The following CCDC169 variants were observed in gnomAD, a reference collection of about 807,000 sequenced individuals.
CCDC169 encodes coiled-coil domain-containing protein 169.
In CCDC169, 30 loss-of-function variants were observed where a neutral mutation model predicts 36.0. That is an observed-to-expected ratio of 0.83 (90% CI 0.62 to 1.13). CCDC169 has a LOEUF of 1.13. Ranked by LOEUF, CCDC169 falls within the 50% of genes most tolerant of loss-of-function variation. The pLI is 0.00. For missense variants in CCDC169, 245 were observed against 245.9 expected (o/e 1.00, Z 0.03); for synonymous variants, 85 against 81.5 (o/e 1.04, Z -0.23).
chr13:36,262,224 G>C (rs1874694991), intron 4 of CCDC169, among the ~76,000 whole-genome samples: 1 of 152,068 alleles, frequency 6.6e-6, no homozygotes, highest in Admixed American at 6.6e-5. Context: ...ACAGCCCTTG[G>C]GGAGGTATGT....
At chr13:36,247,352 T>A (rs1872634964) in intron 7 of CCDC169, among the ~76,000 whole-genome samples, 1 of 152,182 alleles carries the variant, frequency 6.6e-6, no homozygotes, top group Admixed American at 6.5e-5. Context: ...CTTTCAAGTC[T>A]TATTATTTAA....
downstream of CCDC169, among the ~76,000 whole-genome samples, chr13:36,227,734 C>T (rs975320917): frequency 6.6e-6 from 1 of 152,114 alleles, no homozygotes; most frequent in South Asian, 2.1e-4. Flanking sequence ...ATTAGTTTCA[C>T]AGAGTTGTGC....
intron 2 of CCDC169, among the ~76,000 whole-genome samples, chr13:36,292,857 T>G (rs961514297): frequency 6.6e-6 from 1 of 152,186 alleles, no homozygotes; most frequent in South Asian, 2.1e-4. Flanking sequence ...TACAGTGATA[T>G]CCTTGAGTAG....
Position 36,248,655 on chromosome 13 carries a change from T to C in CCDC169, c.496A>G (p.Arg166Gly). ...CTAGGCAGTTGATCCACCTGTTGCC[T>C]TTTAGAAACTTGATGTAAACCAGAA... The part of the protein sequence containing the change: ...QGSGLHQVSK[R>G]QQVDQLPRMQ... Residue 166 changes from arginine (R) to glycine (G), a missense_variant, in exon 7 of 8, where the codon AGG becomes GGG. Arg to Gly is a moderately radical substitution (Grantham distance 125, BLOSUM62 -2). Transcript: ENST00000239859. The C allele has an allele frequency of 6.4e-7, 1 of 1,550,602 alleles. No homozygotes were observed. The highest frequency in any genetic ancestry group is 8.7e-7 in the Non-Finnish European group (1 of 1,146,344).
intron 7 of CCDC169, among the ~76,000 whole-genome samples, chr13:36,236,534 TC>T (rs1871101388): frequency 6.6e-6 from 1 of 151,958 alleles, no homozygotes; most frequent in African/African-American, 2.4e-5. Context: ...ACTATAAAAC[TC>T]TTAGAAGAAA....
intron 4 of CCDC169, among the ~76,000 whole-genome samples, chr13:36,273,192 A>T (rs1594064104): frequency 6.6e-6 from 1 of 152,310 alleles, no homozygotes; most frequent in East Asian, 1.9e-4. Flanking sequence ...TAAATATCAT[A>T]TCCAAATGTA....
chr13:36,274,427 C>A (rs9547061), intron 4 of CCDC169: 38,735 of 151,986 alleles, frequency 0.25, 5,217 homozygotes, highest in East Asian at 0.49. Context: ...CCATCACTTC[C>A]AATTCACTGG....
intron 4 of CCDC169, among the ~76,000 whole-genome samples, chr13:36,271,809 G>T (rs1247941869): frequency 6.6e-6 from 1 of 152,090 alleles, no homozygotes; most frequent in East Asian, 1.9e-4. Context: ...TAGTGGCCGG[G>T]CATGGTGGCT....
rs1877808618 is a variant in CCDC169, at chr13:36,283,561, T to C, written c.274+31A>G. On this transcript the variant is annotated intron_variant, in intron 3 of 7. Coordinates refer to ENST00000239859, the MANE Select transcript of CCDC169 (RefSeq NM_001144981.3). The stretch of plus-strand genomic sequence containing the variant: ...AATGTTTTATCAGTTTTAACTCAAA[T>C]TATAAAATGTACATATGATTGGTTT... The C allele has an allele frequency of 3.9e-6, 6 of 1,550,894 alleles. No individual in the cohort carries two copies. The East Asian group carries it at 9.8e-5, about 25-fold the overall frequency.
intron 4 of CCDC169, among the ~76,000 whole-genome samples, chr13:36,263,007 T>A (rs923551650): frequency 6.6e-6 from 1 of 152,180 alleles, no homozygotes; most frequent in African/African-American, 2.4e-5. Flanking sequence ...GGAATGCTGG[T>A]CAAACCAAAC....
intron 2 of CCDC169, among the ~76,000 whole-genome samples, chr13:36,292,585 AC>A (rs1311260227): frequency 6.6e-6 from 1 of 152,196 alleles, no homozygotes; most frequent in African/African-American, 2.4e-5. Flanking sequence ...GGCTGTGTTT[AC>A]CACCTGCCTA....
intron 4 of CCDC169, among the ~76,000 whole-genome samples, chr13:36,262,117 C>G (rs949231251): frequency 2.6e-5 from 4 of 152,124 alleles, no homozygotes; most frequent in Non-Finnish European, 5.9e-5. Context: ...ATGCTTGGCC[C>G]CACCCAACTT....
At chr13:36,256,613 G>A (rs750461339) in intron 4 of CCDC169, among the ~76,000 whole-genome samples, 45 of 152,272 alleles carry the variant, frequency 3.0e-4, no homozygotes, top group Non-Finnish European at 5.0e-4. Flanking sequence ...ACTCAGTCAC[G>A]TCTGAAGGGA....
intron 4 of CCDC169, among the ~76,000 whole-genome samples, chr13:36,274,868 A>AT (rs3083971): frequency 0.38 from 44,866 of 117,862 alleles, 9,594 homozygotes; most frequent in South Asian, 0.54. Flanking sequence ...CATTAGCTGC[A>AT]TTTTTTTTTT....
downstream of CCDC169, among the ~76,000 whole-genome samples, chr13:36,227,832 T>G (rs1870018717): frequency 6.6e-6 from 1 of 152,182 alleles, no homozygotes; most frequent in Non-Finnish European, 1.5e-5. Flanking sequence ...ATCACCGACC[T>G]TCCCCCAACC....
chr13:36,292,118 G>A (rs1337118057), intron 2 of CCDC169, among the ~76,000 whole-genome samples: 1 of 151,756 alleles, frequency 6.6e-6, no homozygotes, highest in Non-Finnish European at 1.5e-5. Flanking sequence ...CTCCAGAGTA[G>A]CTGGGATTAC....
chr13:36,249,081 T>A (rs1257782559), intron 6 of CCDC169, among the ~76,000 whole-genome samples: 4 of 152,202 alleles, frequency 2.6e-5, no homozygotes, highest in African/African-American at 9.7e-5. Flanking sequence ...AATATTTTCA[T>A]TTTTGCCTAT....
chr13:36,276,093 G>A (rs1166930740), intron 4 of CCDC169, among the ~76,000 whole-genome samples: 1 of 152,166 alleles, frequency 6.6e-6, no homozygotes, highest in East Asian at 1.9e-4. Context: ...TGAAACATAT[G>A]TCTGAAGGGA....
chr13:36,254,383 C>A (rs1873576113), intron 4 of CCDC169, among the ~76,000 whole-genome samples: 1 of 151,384 alleles, frequency 6.6e-6, no homozygotes, highest in South Asian at 2.1e-4. Flanking sequence ...CTATGCGATT[C>A]CCCTGCCTCA....
Sources: gnomAD v4.1 joint callset for allele counts (sites outside exome capture counted in the v4.1 genomes callset) on GRCh38, gnomAD v4.1.1 for gene constraint, MANE v1.5 for transcripts, NCBI Gene and HGNC (gene_info 2026-07-23, HGNC 2026-07-21) for gene names.